Variants in ATP6V0D2 observed in about 807,000 individuals in gnomAD.
ATP6V0D2 encodes V-type proton ATPase subunit d 2.
A neutral mutation model predicts 40.0 loss-of-function variants in ATP6V0D2; 40 were observed. The ratio of observed to expected loss-of-function variants is 1.00; its 90% CI spans 0.78 to 1.30. The LOEUF (loss-of-function observed/expected upper bound fraction) is 1.30. Among genes scored for constraint, ATP6V0D2 ranks in the 50% most tolerant of loss-of-function variants. The probability of loss-of-function intolerance (pLI) is 0.00; values close to 1 mark genes in which losing one functional copy is unlikely to be tolerated. For missense variants in ATP6V0D2, 470 were observed against 423.1 expected, an observed-to-expected ratio of 1.11 and a Z score of -0.97; for synonymous variants, 179 against 156.3, an observed-to-expected ratio of 1.15 and a Z score of -1.08.
intron 2 of ATP6V0D2, among the ~76,000 whole-genome samples, chr8:86,117,939 T>C (rs143585328): frequency 4.6e-5 from 7 of 152,282 alleles, no homozygotes; most frequent in African/African-American, 1.7e-4. Context: ...GGAAAGTCTT[T>C]GATGCCAGGC....
chr8:86,151,192 C>A (rs1329224842), intron 6 of ATP6V0D2, among the ~76,000 whole-genome samples: 2 of 151,838 alleles, frequency 1.3e-5, no homozygotes, highest in Non-Finnish European at 2.9e-5. Flanking sequence ...GCCCTAAGAA[C>A]CTGAGTGAGA....
intron 2 of ATP6V0D2, among the ~76,000 whole-genome samples, chr8:86,117,609 C>A (rs569351615): frequency 6.6e-6 from 1 of 152,308 alleles, no homozygotes; most frequent in Admixed American, 6.5e-5. Flanking sequence ...TACTTACAGG[C>A]AAGACACAGA....
intron 1 of ATP6V0D2, among the ~76,000 whole-genome samples, chr8:86,099,450 T>G (rs1818363821): frequency 6.6e-6 from 1 of 152,190 alleles, no homozygotes; most frequent in African/African-American, 2.4e-5. Context: ...AAATGTCATG[T>G]ATGTTTTCTC....
Position 86,150,163 on chromosome 8 carries a change from G to A in ATP6V0D2, c.691G>A (p.Glu231Lys). Residue 231 changes from glutamate to lysine, a missense_variant, in exon 6 of 8, where the codon GAA becomes AAA. By Grantham distance (56) the Glu-to-Lys change is moderately conservative (BLOSUM62 1). Coordinates refer to ENST00000285393, the MANE Select transcript of ATP6V0D2 (RefSeq NM_152565.1). ...FIITLNSFGT[E>K]LSKEDRETLY... Reference sequence around the variant, plus strand: ...CATCACTCTTAACTCCTTTGGCACTGAATTGAGCAAAGAAGACCGAGAGAC... The same window carrying A: ...CATCACTCTTAACTCCTTTGGCACTAAATTGAGCAAAGAAGACCGAGAGAC... 6.2e-7 allele frequency: 1 copy of A among 1,613,574 alleles called. No individual in the cohort carries two copies. Among genetic ancestry groups the A allele is most frequent in the South Asian group, 1.1e-5 (1 of 91,060 alleles).
Position 86,153,093 on chromosome 8 carries a change from C to T in ATP6V0D2, c.*116C>T. ...TACACAAAAGTAAGCCACACTATAT[C>T]TTCATGAGTTGCAAATCCATGGAAA... On this transcript the variant is annotated 3_prime_UTR_variant, in exon 8 of 8. Transcript: ENST00000285393. The T allele has an allele frequency of 1.2e-6, 1 of 843,500 alleles. No individual in the cohort carries two copies. The highest frequency in any genetic ancestry group is 2.5e-5 in the South Asian group (1 of 40,392). 52.3% of individuals were successfully genotyped at this position (843,500 alleles called of 1,614,324 possible).
chr8:86,113,606 C>T, intron 1 of ATP6V0D2, 103 bp from the exon 2 acceptor site: 2 of 970,394 alleles, frequency 2.1e-6, no homozygotes, highest in Non-Finnish European at 1.5e-6. Context: ...TAAGATAATA[C>T]ATATGTATGT....
intron 2 of ATP6V0D2, among the ~76,000 whole-genome samples, chr8:86,128,405 C>G (rs1818775448): frequency 6.6e-6 from 1 of 152,118 alleles, no homozygotes; most frequent in African/African-American, 2.4e-5. Flanking sequence ...CTCCTGTGAT[C>G]AAGCCAAATA....
intron 7 of ATP6V0D2, among the ~76,000 whole-genome samples, chr8:86,151,998 C>T (rs66503681): frequency 0.12 from 18,090 of 151,818 alleles, 2,878 homozygotes; most frequent in African/African-American, 0.37. Flanking sequence ...TGTAGGTATA[C>T]GTGTGCCATG....
intron 2 of ATP6V0D2, among the ~76,000 whole-genome samples, chr8:86,118,318 C>T (rs1171365190): frequency 2.0e-5 from 3 of 151,696 alleles, no homozygotes; most frequent in Non-Finnish European, 4.4e-5. Flanking sequence ...AAGTGATCCA[C>T]CCGCCTCAGA....
chr8:86,152,254 C>T (rs1302347440), intron 7 of ATP6V0D2, among the ~76,000 whole-genome samples: 3 of 152,126 alleles, frequency 2.0e-5, no homozygotes, highest in African/African-American at 7.2e-5. Flanking sequence ...GACATGAACT[C>T]ATCCTTTTTT....
In ATP6V0D2 at chr8:86,105,028, G is replaced by A. The variant is rs545994141; in HGVS notation, c.130+5920G>A. 6.6e-5 allele frequency among the ~76,000 whole-genome samples: 10 copies of A among 152,182 alleles called. No individual in the cohort carries two copies. The South Asian group carries it at 2.1e-3, about 32-fold the overall frequency. On this transcript the variant is annotated intron_variant, in intron 1 of 7. Transcript: ENST00000285393. ...CCCTTATCCCATGTTCCTGGAAAGC[G>A]ACCATCTCCCTTTAAAGTCTTCATT...
chr8:86,122,092 T>C (rs1818678647), intron 2 of ATP6V0D2, among the ~76,000 whole-genome samples: 1 of 152,150 alleles, frequency 6.6e-6, no homozygotes, highest in African/African-American at 2.4e-5. Context: ...AATATAAGCC[T>C]TGGTTGTTTT....
chr8:86,105,706 C>T (rs1230397567), intron 1 of ATP6V0D2, among the ~76,000 whole-genome samples: 1 of 151,096 alleles, frequency 6.6e-6, no homozygotes, highest in Non-Finnish European at 1.5e-5. Context: ...GCTCCGCCTC[C>T]CAGGTTCATG....
intron 2 of ATP6V0D2, among the ~76,000 whole-genome samples, chr8:86,134,897 A>C (rs186914017): frequency 7.9e-5 from 12 of 152,236 alleles, no homozygotes; most frequent in African/African-American, 2.9e-4. Flanking sequence ...CATGTATCTC[A>C]AGAACACTGA....
intron 3 of ATP6V0D2, 108 bp from the exon 4 acceptor site, chr8:86,141,342 A>C: frequency 1.4e-6 from 1 of 692,390 alleles, no homozygotes; most frequent in Non-Finnish European, 2.5e-6. Flanking sequence ...GCAACTCTGC[A>C]GTGTTCTTGT....
intron 1 of ATP6V0D2, among the ~76,000 whole-genome samples, chr8:86,102,525 A>C (rs1170156288): frequency 6.6e-6 from 1 of 152,234 alleles, no homozygotes; most frequent in East Asian, 1.9e-4. Flanking sequence ...TTTTTAAGTC[A>C]TCTGGTCTTT....
At position 86,137,869 on chromosome 8, in the gene ATP6V0D2, A is replaced by G. The variant is rs1818918702; in HGVS notation, c.303-1588A>G. Among the ~76,000 whole-genome samples the G allele has an allele frequency of 5.9e-5, 9 of 152,288 alleles. 1 individual carries two copies. The South Asian group carries it at 1.9e-3, about 32-fold the overall frequency. On this transcript the variant is annotated intron_variant, in intron 2 of 7. Coordinates refer to ENST00000285393, the MANE Select transcript of ATP6V0D2 (RefSeq NM_152565.1). ...TCTCTGGGCCTCTGGTTTCTCGTCT[A>G]TAAAATGGAGATAATAATACGACAT...
At chr8:86,112,380 G>A (rs1465797234) in intron 1 of ATP6V0D2, among the ~76,000 whole-genome samples, 1 of 152,094 alleles carries the variant, frequency 6.6e-6, no homozygotes, top group Non-Finnish European at 1.5e-5. Flanking sequence ...AGGAATACCT[G>A]GCTTGGAATC....
intron 7 of ATP6V0D2, among the ~76,000 whole-genome samples, chr8:86,152,565 A>G (rs1819172729): frequency 6.6e-6 from 1 of 152,142 alleles, no homozygotes; most frequent in Non-Finnish European, 1.5e-5. Flanking sequence ...TCCTATTTCA[A>G]TTTGGAGCTT....
Sources: gnomAD v4.1 joint callset for allele counts (sites outside exome capture counted in the v4.1 genomes callset) on GRCh38, gnomAD v4.1.1 for gene constraint, MANE v1.5 for transcripts, NCBI Gene and HGNC (gene_info 2026-07-23, HGNC 2026-07-21) for gene names.